Variants in SLC7A6 observed in about 807,000 individuals in gnomAD.
SLC7A6 encodes the protein Y+L amino acid transporter 2.
SLC7A6 carries 29 observed loss-of-function variants against 46.6 expected under a neutral mutation model. The ratio of observed to expected loss-of-function variants is 0.62; its 90% CI spans 0.46 to 0.85. The LOEUF (loss-of-function observed/expected upper bound fraction) is 0.85. Ranked by LOEUF, SLC7A6 falls within the 40% of genes least tolerant of loss-of-function variation. The pLI, the probability that SLC7A6 is intolerant of heterozygous loss-of-function variation, is 0.00. For synonymous variants in SLC7A6, 276 were observed against 257.3 expected, an observed-to-expected ratio of 1.07 and a Z score of -0.70; for missense variants, 527 against 647.6, an observed-to-expected ratio of 0.81 and a Z score of 2.02.
rs547741596 is a variant in SLC7A6 at position 68,287,966 on chromosome 16, A to G, written c.649+95A>G. Reference sequence around the variant, plus strand: ...TTAGCTTCACTGCTCGGCTGTTTCTATGTACATGCTAGCATGTGTCAGTGA... The same window carrying G: ...TTAGCTTCACTGCTCGGCTGTTTCTGTGTACATGCTAGCATGTGTCAGTGA... On this transcript the variant is annotated intron_variant, in intron 4 of 10. Transcript: ENST00000219343. The G allele has an allele frequency of 2.2e-5, 34 of 1,521,642 alleles. No homozygotes were observed. In the South Asian group the frequency reaches 3.4e-4, roughly 15 times the overall value. 94.3% of individuals were successfully genotyped at this position (1,521,642 alleles called of 1,614,324 possible). A position where few individuals can be genotyped will look rare whatever the true frequency, so the allele number is the denominator to read the frequency against.
intron 5 of SLC7A6, chr16:68,290,760 C>G (rs1004647293): frequency 1.5e-5 from 9 of 581,422 alleles, no homozygotes; most frequent in Non-Finnish European, 2.7e-5. Flanking sequence ...GAGGATAGGG[C>G]CTTCCTAGAG....
At chr16:68,265,703 G>A (rs906591602) in intron 1 of SLC7A6, 3 of 152,176 alleles carry the variant, frequency 2.0e-5, no homozygotes, top group African/African-American at 7.2e-5. Flanking sequence ...CTGCGCAGAC[G>A]GCTTTTGCTT....
intron 1 of SLC7A6, chr16:68,265,687 T>C (rs2042519893): frequency 6.6e-6 from 1 of 152,200 alleles, no homozygotes; most frequent in Non-Finnish European, 1.5e-5. Context: ...TCAGGTCCCA[T>C]GTGTGCTGCG....
intron 3 of SLC7A6, 61 bp from the exon 4 acceptor site, chr16:68,287,684 AG>A (rs1272745198): frequency 2.5e-6 from 4 of 1,585,650 alleles, no homozygotes; most frequent in African/African-American, 1.3e-5. Context: ...CTCTGTAAAG[AG>A]GGGTTGGGCC....
chr16:68,290,931 TC>T (rs1016094364), intron 5 of SLC7A6: 5 of 495,754 alleles, frequency 1.0e-5, no homozygotes, highest in Admixed American at 3.3e-5. Flanking sequence ...CTTGCACTGT[TC>T]CTCTGAGATC....
rs773515300 is a variant in SLC7A6 at position 68,297,444 on chromosome 16, A to T, written c.*116A>T. On this transcript the variant is annotated 3_prime_UTR_variant, in exon 11 of 11. Coordinates refer to ENST00000219343, the MANE Select transcript of SLC7A6 (RefSeq NM_003983.6). Reference sequence around the variant, plus strand: ...AAGGAGCCTTTTGACCCAATCATATAGTGGGGCTCAGGGCCAGTGCTCACT... The same window carrying T: ...AAGGAGCCTTTTGACCCAATCATATTGTGGGGCTCAGGGCCAGTGCTCACT... 9.9e-5 allele frequency: 70 copies of T among 705,866 alleles called. No homozygotes were observed. Among genetic ancestry groups the T allele is most frequent in the Middle Eastern group, 4.5e-4 (1 of 2,206 alleles). 43.7% of individuals were successfully genotyped at this position (705,866 alleles called of 1,614,324 possible). A position where few individuals can be genotyped will look rare whatever the true frequency, so the allele number is the denominator to read the frequency against.
At chr16:68,275,371 G>C in intron 3 of SLC7A6, 122 bp downstream of exon 3, 1 of 1,250,792 alleles carries the variant, frequency 8.0e-7, no homozygotes, top group Non-Finnish European at 1.1e-6. Flanking sequence ...TGAGGCGGGC[G>C]GATCACCTGA....
At chr16:68,276,800 C>A (rs1449867889) in intron 3 of SLC7A6, among the ~76,000 whole-genome samples, 2 of 152,074 alleles carry the variant, frequency 1.3e-5, no homozygotes, top group Non-Finnish European at 2.9e-5. Context: ...GAATTTGAGA[C>A]CAACCTGGGC....
At position 68,301,133 on chromosome 16, in the gene SLC7A6, A is replaced by G. The variant is rs889614930; in HGVS notation, c.*3805A>G. On this transcript the variant is annotated 3_prime_UTR_variant, in exon 11 of 11. Coordinates refer to ENST00000219343, the MANE Select transcript of SLC7A6 (RefSeq NM_003983.6). The stretch of plus-strand genomic sequence containing the variant: ...TAACATAAGTTTTCACTGTGGTGGG[A>G]TGGTGCCGCCCGATATGCTTGATAT... The G allele has an allele frequency of 2.1e-6, 3 of 1,423,158 alleles. No homozygotes were observed. The highest frequency in any genetic ancestry group is 2.8e-6 in the Non-Finnish European group (3 of 1,084,686). The allele number at this position is 1,423,158 out of a possible 1,614,324, so 88.2% of individuals were successfully genotyped here. A position where few individuals can be genotyped will look rare whatever the true frequency, so the allele number is the denominator to read the frequency against.
chr16:68,268,531 T>TACCC (rs1234293004), intron 2 of SLC7A6, among the ~76,000 whole-genome samples: 1 of 152,250 alleles, frequency 6.6e-6, no homozygotes, highest in African/African-American at 2.4e-5. Context: ...ACTTCCTTTG[T>TACCC]AATCGAGCTT....
intron 3 of SLC7A6, among the ~76,000 whole-genome samples, chr16:68,286,666 C>T (rs1251163460): frequency 6.6e-6 from 1 of 152,178 alleles, no homozygotes; most frequent in African/African-American, 2.4e-5. Flanking sequence ...TTAGCAGGAG[C>T]AAAGTGCCGG....
intron 3 of SLC7A6, among the ~76,000 whole-genome samples, chr16:68,275,461 G>A (rs1167317825): frequency 6.6e-6 from 1 of 151,884 alleles, no homozygotes; most frequent in African/African-American, 2.4e-5. Context: ...TGGGCGTGGT[G>A]GTGCATGCCT....
chr16:68,292,189 T>C (rs2043071149), intron 7 of SLC7A6: 1 of 154,188 alleles, frequency 6.5e-6, no homozygotes, highest in Non-Finnish European at 1.4e-5. Context: ...ATTGGTGCTA[T>C]GTACAGAAAG....
At chr16:68,295,006 A>ATT (rs1262157848) in intron 8 of SLC7A6, 32 of 457,154 alleles carry the variant, frequency 7.0e-5, no homozygotes, top group Non-Finnish European at 9.7e-5. Context: ...ATAGCATAGT[A>ATT]TTGAGAAAGG....
chr16:68,293,107 CA>C (rs921187312), intron 7 of SLC7A6, among the ~76,000 whole-genome samples: 39 of 152,254 alleles, frequency 2.6e-4, no homozygotes, highest in African/African-American at 9.4e-4. Flanking sequence ...TTAGAGAAGT[CA>C]AGGCCTTGTA....
At chr16:68,274,490 A>G (rs965799995) in intron 2 of SLC7A6, among the ~76,000 whole-genome samples, 1 of 152,136 alleles carries the variant, frequency 6.6e-6, no homozygotes, top group African/African-American at 2.4e-5. Flanking sequence ...GTGAGCTCTC[A>G]TGGTGTCTTT....
At chr16:68,288,582 G>A (rs946727670) in intron 4 of SLC7A6, among the ~76,000 whole-genome samples, 2 of 152,162 alleles carry the variant, frequency 1.3e-5, no homozygotes, top group African/African-American at 4.8e-5. Flanking sequence ...AAATGTGGCT[G>A]TGTACAGTCA....
Position 68,297,447 on chromosome 16 carries a change from G to A in SLC7A6, c.*119G>A. The A allele has an allele frequency of 1.3e-6, 1 of 778,182 alleles. No individual in the cohort carries two copies. Among genetic ancestry groups the A allele is most frequent in the Non-Finnish European group, 2.1e-6 (1 of 483,744 alleles). 48.2% of individuals were successfully genotyped at this position (778,182 alleles called of 1,614,324 possible). On this transcript the variant is annotated 3_prime_UTR_variant, in exon 11 of 11. Coordinates refer to ENST00000219343, the MANE Select transcript of SLC7A6 (RefSeq NM_003983.6). ...GAGCCTTTTGACCCAATCATATAGT[G>A]GGGCTCAGGGCCAGTGCTCACTCTT...
intron 4 of SLC7A6, among the ~76,000 whole-genome samples, chr16:68,288,563 T>C (rs2042983500): frequency 6.6e-6 from 1 of 152,188 alleles, no homozygotes; most frequent in Admixed American, 6.5e-5. Context: ...CTCTAGGTCA[T>C]CAGTCCCTAA....
Sources: gnomAD v4.1 joint callset for allele counts (sites outside exome capture counted in the v4.1 genomes callset) on GRCh38, gnomAD v4.1.1 for gene constraint, MANE v1.5 for transcripts, NCBI Gene and HGNC (gene_info 2026-07-23, HGNC 2026-07-21) for gene names.